The following C4orf17 variants were observed in gnomAD, a reference collection of about 807,000 sequenced individuals.
C4orf17 encodes the protein uncharacterized protein C4orf17.
Under a neutral mutation model 32.0 loss-of-function variants are expected in C4orf17, and 25 were observed. That is an observed-to-expected ratio of 0.78 (90% CI 0.57 to 1.09). The LOEUF (loss-of-function observed/expected upper bound fraction) is 1.09. Among genes scored for constraint, C4orf17 ranks in the 50% least tolerant of loss-of-function variants. The probability of loss-of-function intolerance (pLI) is 0.00; values close to 1 mark genes in which losing one functional copy is unlikely to be tolerated. For missense variants in C4orf17, 420 were observed against 420.0 expected (o/e 1.00, Z 0.00); for synonymous variants, 149 against 145.8 (o/e 1.02, Z -0.16).
chr4:99,534,336 T>G (rs748656057), intron 5 of C4orf17, among the ~76,000 whole-genome samples: 1 of 152,230 alleles, frequency 6.6e-6, no homozygotes, highest in Non-Finnish European at 1.5e-5. Flanking sequence ...CTGCGTAGTA[T>G]TCCATGGTGT....
At position 99,517,318 on chromosome 4, in the gene C4orf17, A is replaced by G. The variant is rs549272522; in HGVS notation, c.127+4110A>G. Reference sequence around the variant, plus strand: ...GGTTCAAATAACCAATCACTACAGCAAGGGGAATGGATTCAATCTTCCCCA... The same window carrying G: ...GGTTCAAATAACCAATCACTACAGCGAGGGGAATGGATTCAATCTTCCCCA... On this transcript the variant is annotated intron_variant, in intron 2 of 8. Transcript: ENST00000326581. Among the ~76,000 whole-genome samples the G allele has an allele frequency of 1.3e-4, 20 of 152,298 alleles. No homozygotes were observed. In the East Asian group the frequency reaches 3.7e-3, roughly 28 times the overall value.
intron 2 of C4orf17, among the ~76,000 whole-genome samples, chr4:99,519,976 G>A (rs1260690254): frequency 6.6e-6 from 1 of 152,148 alleles, no homozygotes; most frequent in Non-Finnish European, 1.5e-5. Context: ...GAAGCAAACA[G>A]ATGTCACTGT....
At chr4:99,518,585 G>GA (rs1560585698) in intron 2 of C4orf17, among the ~76,000 whole-genome samples, 27 of 61,052 alleles carry the variant, frequency 4.4e-4, no homozygotes, top group African/African-American at 1.5e-3. Context: ...AGAGAGAGAG[G>GA]GAGGGAGACA....
At chr4:99,519,826 G>A (rs374091728) in intron 2 of C4orf17, among the ~76,000 whole-genome samples, 39 of 152,294 alleles carry the variant, frequency 2.6e-4, no homozygotes, top group African/African-American at 8.9e-4. Context: ...AGAAGAGAAG[G>A]TTGAACTTGG....
At chr4:99,516,743 G>C (rs949728211) in intron 2 of C4orf17, among the ~76,000 whole-genome samples, 9 of 152,144 alleles carry the variant, frequency 5.9e-5, no homozygotes, top group African/African-American at 2.2e-4. Context: ...GTGGAGAAGT[G>C]GATAAGAGGC....
At chr4:99,535,883 A>G (rs1723552499) in intron 5 of C4orf17, 1 of 440,504 alleles carries the variant, frequency 2.3e-6, no homozygotes, top group Non-Finnish European at 4.5e-6. Context: ...TCTACCTTCA[A>G]TCTTTGAGGT....
chr4:99,536,849 G>A (rs1320200583), intron 5 of C4orf17, among the ~76,000 whole-genome samples: 4 of 152,174 alleles, frequency 2.6e-5, no homozygotes, highest in African/African-American at 9.7e-5. Flanking sequence ...CACTCAGGAT[G>A]GTGGCAGAAA....
At chr4:99,526,413 G>A (rs761150221) in intron 4 of C4orf17, among the ~76,000 whole-genome samples, 1 of 152,140 alleles carries the variant, frequency 6.6e-6, no homozygotes, top group Admixed American at 6.5e-5. Context: ...GCATTCTTGT[G>A]TCTATGAGGA....
Position 99,542,265 on chromosome 4 carries a change from A to G in C4orf17, c.*156A>G. ...AAAATACCTGTATGTAATGCTACAA[A>G]TAAATATTACTGGAAATGATATTTC... is the stretch of plus-strand genomic sequence containing the variant. On this transcript the variant is annotated 3_prime_UTR_variant, in exon 9 of 9. Coordinates refer to ENST00000326581, the MANE Select transcript of C4orf17 (RefSeq NM_032149.3). 1.5e-6 allele frequency: 1 copy of G among 653,142 alleles called. No individual in the cohort carries two copies. Among genetic ancestry groups the G allele is most frequent in the Non-Finnish European group, 2.7e-6 (1 of 367,996 alleles). 40.5% of individuals were successfully genotyped at this position (653,142 alleles called of 1,614,324 possible).
intron 5 of C4orf17, 48 bp downstream of exon 5, chr4:99,530,006 T>A: frequency 1.3e-6 from 2 of 1,491,878 alleles, no homozygotes; most frequent in East Asian, 2.3e-5. Flanking sequence ...AGCATGAATA[T>A]ACAAAAAAAT....
chr4:99,520,887 T>C (rs898293309), intron 2 of C4orf17, among the ~76,000 whole-genome samples: 1 of 152,362 alleles, frequency 6.6e-6, no homozygotes, highest in African/African-American at 2.4e-5. Flanking sequence ...GTAAGTTAAA[T>C]AAATTATACT....
At chr4:99,539,609 T>C (rs2110174865) in intron 7 of C4orf17, among the ~76,000 whole-genome samples, 1 of 152,352 alleles carries the variant, frequency 6.6e-6, no homozygotes, top group African/African-American at 2.4e-5. Context: ...GTAACCTTTC[T>C]TTTTAAGAAA....
Position 99,529,922 on chromosome 4 carries a change from C to A in C4orf17, c.510C>A (p.Thr170=), listed in dbSNP as rs764543947. 1.9e-6 allele frequency: 3 copies of A among 1,612,194 alleles called. No individual in the cohort carries two copies. Among genetic ancestry groups the A allele is most frequent in the Admixed American group, 3.3e-5 (2 of 59,850 alleles). The change falls in exon 5 of 9, where the codon ACC becomes ACA. Residue 170 remains threonine, a synonymous_variant. Transcript: ENST00000326581. ...CCAAGAATGATGTGAAAGCAAACAC[C>A]ATTTGCATACCAAACTATCTGGATC... ...TSTKNDVKAN[T]ICIPNYLDQE...
At position 99,518,544 on chromosome 4, in the gene C4orf17, TAGAGAGAG is replaced by T. The variant is rs70958313; in HGVS notation, c.128-3923_128-3916del. ...ATATATATATATATATATATATATA[TAGAGAGAG>T]AGAGAGAGAGAGAGAGAGAGAGAGA... On this transcript the variant is annotated intron_variant, in intron 2 of 8. Coordinates refer to ENST00000326581, the MANE Select transcript of C4orf17 (RefSeq NM_032149.3). Among the ~76,000 whole-genome samples the T allele has an allele frequency of 4.4e-3, 161 of 36,796 alleles. 1 individual carries two copies. The East Asian group carries it at 0.045, about 10-fold the overall frequency. 24.1% of individuals were successfully genotyped at this position (36,796 alleles called of 152,430 possible).
Position 99,539,224 on chromosome 4 carries a change from T to C in C4orf17, c.690T>C (p.His230=). The change falls in exon 7 of 9, where the codon CAT becomes CAC. Residue 230 remains histidine, a synonymous_variant. Transcript: ENST00000326581. ...TTGCCGAGATAAACCTGTTAACTCA[T>C]CACAGAAGAAACACCTCAATGGAAC... is the stretch of plus-strand genomic sequence containing the variant. ...SELAEINLLT[H]HRRNTSMEPA... 1 of 1,614,124 alleles carries C rather than the reference T, an allele frequency of 6.2e-7. No individual in the cohort carries two copies. The highest frequency in any genetic ancestry group is 8.5e-7 in the Non-Finnish European group (1 of 1,179,962).
chr4:99,535,926 T>A, intron 5 of C4orf17: 1 of 448,900 alleles, frequency 2.2e-6, no homozygotes, highest in Non-Finnish European at 4.4e-6. Flanking sequence ...TTGTGGCATC[T>A]TTGTTGTTGT....
intron 5 of C4orf17, among the ~76,000 whole-genome samples, chr4:99,536,491 A>G (rs956639791): frequency 2.0e-5 from 3 of 152,196 alleles, no homozygotes; most frequent in African/African-American, 7.2e-5. Flanking sequence ...TTAAAGAAGC[A>G]GTCTGGGCAT....
At chr4:99,527,148 T>G (rs1350164095) in intron 4 of C4orf17, among the ~76,000 whole-genome samples, 6 of 152,156 alleles carry the variant, frequency 3.9e-5, no homozygotes, top group Non-Finnish European at 8.8e-5. Context: ...AATTTCTTCT[T>G]TCACCCATGG....
chr4:99,516,696 C>T (rs1018876595), intron 2 of C4orf17, among the ~76,000 whole-genome samples: 6 of 151,936 alleles, frequency 3.9e-5, no homozygotes, highest in African/African-American at 1.5e-4. Context: ...TGTTATGGGG[C>T]ATGTGGGGAG....
Sources: allele counts gnomAD v4.1 joint callset (sites outside exome capture counted in the v4.1 genomes callset), GRCh38; gene constraint gnomAD v4.1.1; transcripts MANE v1.5; gene names NCBI Gene and HGNC (gene_info 2026-07-23, HGNC 2026-07-21).